The following ZDHHC17 variants were observed in gnomAD, a reference collection of about 807,000 sequenced individuals.
ZDHHC17 encodes the protein zDHHC palmitoyltransferase 17, also known as palmitoyltransferase ZDHHC17.
ZDHHC17 carries 40 observed loss-of-function variants against 90.3 expected under a neutral mutation model. The ratio of observed to expected loss-of-function variants is 0.44; its 90% CI spans 0.34 to 0.58. The LOEUF (loss-of-function observed/expected upper bound fraction) is 0.58. ZDHHC17 is among the 20% of genes least tolerant of loss of function. The probability of loss-of-function intolerance (pLI) is 0.01; values close to 1 mark genes in which losing one functional copy is unlikely to be tolerated. For missense variants in ZDHHC17, 614 were observed against 780.8 expected (o/e 0.79, Z 2.55); for synonymous variants, 235 against 252.4 (o/e 0.93, Z 0.65).
intron 1 of ZDHHC17, among the ~76,000 whole-genome samples, chr12:76,765,850 G>A (rs1359584121): frequency 6.6e-6 from 1 of 152,016 alleles, no homozygotes; most frequent in Admixed American, 6.6e-5. Flanking sequence ...ACAGGCTCGC[G>A]CCACCATACC....
rs1314431771 is a variant in ZDHHC17, at chr12:76,792,922, AACT to A, written c.94-4510_94-4508del. Among the ~76,000 whole-genome samples the A allele has an allele frequency of 2.6e-5, 4 of 152,332 alleles. No homozygotes were observed. The East Asian group carries it at 7.7e-4, about 29-fold the overall frequency. Reference sequence around the variant, plus strand: ...AAACAGTGACATCAAACTTAAGTCTAACTAGAGACATTATCAGTTAGAAATCAC... The same window carrying A: ...AAACAGTGACATCAAACTTAAGTCTAAGAGACATTATCAGTTAGAAATCAC... On this transcript the variant is annotated intron_variant, in intron 1 of 16. Transcript: ENST00000426126.
At chr12:76,814,995 T>TA (rs1296845501) in intron 5 of ZDHHC17, 151 bp from the exon 6 acceptor site, 2 of 489,504 alleles carry the variant, frequency 4.1e-6, no homozygotes, top group African/African-American at 3.8e-5. Flanking sequence ...AGTTTCATTT[T>TA]AAAGTTAAGA....
chr12:76,771,943 A>G (rs1229783704), intron 1 of ZDHHC17, among the ~76,000 whole-genome samples: 1 of 152,158 alleles, frequency 6.6e-6, no homozygotes, highest in Non-Finnish European at 1.5e-5. Context: ...AATGCCACCA[A>G]AACTCTCTTA....
rs142545173 is a variant in ZDHHC17 at position 76,788,119 on chromosome 12, A to C, written c.94-9315A>C. 5.8e-3 allele frequency among the ~76,000 whole-genome samples: 883 copies of C among 152,292 alleles called. 10 individuals carry two copies. The highest frequency in any genetic ancestry group is 0.021 in the African/African-American group (859 of 41,554). ...ATGTTAGTAGTTATGCTACACATAC[A>C]TTGTGGGTGGGATAGTAGGTTTTCT... On this transcript the variant is annotated intron_variant, in intron 1 of 16. Coordinates refer to ENST00000426126, the MANE Select transcript of ZDHHC17 (RefSeq NM_015336.4).
chr12:76,775,248 G>T (rs1952545741), intron 1 of ZDHHC17, among the ~76,000 whole-genome samples: 1 of 152,182 alleles, frequency 6.6e-6, no homozygotes, highest in Non-Finnish European at 1.5e-5. Flanking sequence ...CTTCCAGTAA[G>T]ATCAAGAAAA....
intron 3 of ZDHHC17, among the ~76,000 whole-genome samples, chr12:76,807,111 T>A (rs1952964408): frequency 6.6e-6 from 1 of 152,180 alleles, no homozygotes; most frequent in Admixed American, 6.5e-5. Flanking sequence ...CAAGAATGAA[T>A]CTGGACTTTA....
intron 5 of ZDHHC17, among the ~76,000 whole-genome samples, chr12:76,812,026 A>G (rs1953030303): frequency 6.6e-6 from 1 of 152,184 alleles, no homozygotes; most frequent in Admixed American, 6.6e-5. Flanking sequence ...TGAATTCCAC[A>G]TTTAGATTTT....
At chr12:76,846,567 A>G in intron 13 of ZDHHC17, 29 bp from the exon 14 acceptor site, 1 of 1,591,224 alleles carries the variant, frequency 6.3e-7, no homozygotes, top group East Asian at 2.2e-5. Flanking sequence ...TTCTTAGCTG[A>G]AAAACCTTGC....
Position 76,853,061 on chromosome 12 carries a change from T to G in ZDHHC17, c.*2076T>G, listed in dbSNP as rs1050817525. 3 of 152,240 alleles carry G rather than the reference T, an allele frequency of 2.0e-5. No homozygotes were observed. Among genetic ancestry groups the G allele is most frequent in the African/African-American group, 7.2e-5 (3 of 41,472 alleles). The allele number at this position is 152,240 out of a possible 1,614,324, so 9.4% of individuals were successfully genotyped here. A position where few individuals can be genotyped will look rare whatever the true frequency, so the allele number is the denominator to read the frequency against. On this transcript the variant is annotated 3_prime_UTR_variant, in exon 17 of 17. Coordinates refer to ENST00000426126, the MANE Select transcript of ZDHHC17 (RefSeq NM_015336.4). The stretch of plus-strand genomic sequence containing the variant: ...GGTTTTTTCAGAGTTTGGCTAAGAA[T>G]GTTGTTACCATCTTCTTTGTTTGTG...
chr12:76,768,342 G>A (rs1287055766), intron 1 of ZDHHC17, among the ~76,000 whole-genome samples: 1 of 152,186 alleles, frequency 6.6e-6, no homozygotes, highest in Non-Finnish European at 1.5e-5. Flanking sequence ...AGATAAAGTA[G>A]CTAGACTAGA....
chr12:76,848,031 T>A (rs531665778), intron 14 of ZDHHC17, among the ~76,000 whole-genome samples: 150 of 152,218 alleles, frequency 9.9e-4, no homozygotes, highest in Non-Finnish European at 1.1e-3. Flanking sequence ...TTTTTTAAGA[T>A]TGGCTGCTCC....
rs1952394814 is a variant in ZDHHC17, at chr12:76,764,134, AAGG to A, written c.-93_-91del. 5.9e-5 allele frequency: 51 copies of A among 870,872 alleles called. No individual in the cohort carries two copies. The South Asian group carries it at 7.8e-4, about 13-fold the overall frequency. The allele number at this position is 870,872 out of a possible 1,614,324, so 53.9% of individuals were successfully genotyped here. A position where few individuals can be genotyped will look rare whatever the true frequency, so the allele number is the denominator to read the frequency against. On this transcript the variant is annotated 5_prime_UTR_variant, in exon 1 of 17. Transcript: ENST00000426126. ...GGGGGCGTCACGGGGGCAGGAGAAG[AAGG>A]AGGAGGAGGCCCGCGTCGCCTCCGG...
At chr12:76,774,636 A>G (rs370381436) in intron 1 of ZDHHC17, among the ~76,000 whole-genome samples, 98 of 152,306 alleles carry the variant, frequency 6.4e-4, no homozygotes, top group Middle Eastern at 3.4e-3. Flanking sequence ...GTGTACCTCA[A>G]ATGCTTCATC....
chr12:76,817,156 AT>A (rs1164736870), intron 7 of ZDHHC17, among the ~76,000 whole-genome samples: 1 of 152,078 alleles, frequency 6.6e-6, no homozygotes, highest in Admixed American at 6.6e-5. Context: ...ATAGAGAGAA[AT>A]GTTTGCTTTT....
At chr12:76,797,274 TAAATA>T (rs1039484165) in intron 1 of ZDHHC17, among the ~76,000 whole-genome samples, 155 bp from the exon 2 acceptor site, 59 of 152,020 alleles carry the variant, frequency 3.9e-4, no homozygotes, top group African/African-American at 1.2e-3. Context: ...AAAAAATAAA[TAAATA>T]AAATAAAAGA....
chr12:76,791,628 C>G (rs1266892863), intron 1 of ZDHHC17, among the ~76,000 whole-genome samples: 1 of 152,072 alleles, frequency 6.6e-6, no homozygotes. Flanking sequence ...ACCCTTCTTT[C>G]ACAATATTCC....
At chr12:76,837,343 A>G (rs1953378578) in intron 10 of ZDHHC17, among the ~76,000 whole-genome samples, 1 of 152,122 alleles carries the variant, frequency 6.6e-6, no homozygotes, top group South Asian at 2.1e-4. Context: ...AAAACTAAAA[A>G]AATTAGCCGG....
intron 1 of ZDHHC17, chr12:76,764,704 G>GT: frequency 2.0e-6 from 1 of 490,020 alleles, no homozygotes; most frequent in Non-Finnish European, 4.0e-6. Context: ...GTGGAAGCGC[G>GT]TCTGGTTTTG....
chr12:76,814,913 G>A (rs577131224), intron 5 of ZDHHC17, among the ~76,000 whole-genome samples: 2 of 151,942 alleles, frequency 1.3e-5, no homozygotes, highest in Non-Finnish European at 2.9e-5. Flanking sequence ...ACATTGAAAG[G>A]CTGATTAAAA....
Sources: gnomAD v4.1 joint callset for allele counts (sites outside exome capture counted in the v4.1 genomes callset) on GRCh38, gnomAD v4.1.1 for gene constraint, MANE v1.5 for transcripts, NCBI Gene and HGNC (gene_info 2026-07-23, HGNC 2026-07-21) for gene names.